Variants in SUSD5 observed in about 807,000 individuals in gnomAD.
SUSD5 encodes the protein sushi domain-containing protein 5.
In SUSD5, 33 loss-of-function variants were observed where a neutral mutation model predicts 29.5. The observed-to-expected ratio is 1.12, with a 90% CI of 0.85 to 1.49. The LOEUF is 1.49. SUSD5 is among the 40% of genes most tolerant of loss of function. SUSD5 has a pLI of 0.00. For missense variants in SUSD5, 776 were observed against 800.6 expected (o/e 0.97, Z 0.37); for synonymous variants, 308 against 325.3 (o/e 0.95, Z 0.57).
In SUSD5 at chr3:33,167,186, AT is replaced by A. The variant is rs970521238; in HGVS notation, c.598+7699del. 3.9e-4 allele frequency among the ~76,000 whole-genome samples: 58 copies of A among 148,478 alleles called. No homozygotes were observed. In the South Asian group the frequency reaches 7.2e-3, roughly 18 times the overall value. ...AAGAGCGAGACTCCATCTCAAAAAA[AT>A]ATATATATATATAAATATATATATA... On this transcript the variant is annotated intron_variant, in intron 4 of 4. Transcript: ENST00000309558. The surrounding 1 kb of genome is among the most constrained non-coding windows in gnomAD (Gnocchi z 4.1).
chr3:33,169,536 A>G (rs1457694309), intron 4 of SUSD5, among the ~76,000 whole-genome samples: 1 of 152,142 alleles, frequency 6.6e-6, no homozygotes, highest in Non-Finnish European at 1.5e-5. Flanking sequence ...TATACTTTAA[A>G]TGAGTACAGT....
chr3:33,218,467 G>A (rs1419915440), intron 1 of SUSD5, among the ~76,000 whole-genome samples: 1 of 152,234 alleles, frequency 6.6e-6, no homozygotes, highest in Non-Finnish European at 1.5e-5. Flanking sequence ...CGCTAAGGGA[G>A]GGTCCAGGCA....
chr3:33,210,850 CA>C (rs2032309863), intron 2 of SUSD5, among the ~76,000 whole-genome samples: 1 of 150,154 alleles, frequency 6.7e-6, no homozygotes, highest in Non-Finnish European at 1.5e-5. Context: ...GTAAATATAA[CA>C]AGTATATTTT....
At chr3:33,213,454 T>C (rs1370584197) in intron 2 of SUSD5, among the ~76,000 whole-genome samples, 2 of 152,026 alleles carry the variant, frequency 1.3e-5, no homozygotes, top group African/African-American at 4.8e-5. Context: ...ATAAAAGAAC[T>C]ATGACAGAAC....
At chr3:33,200,988 GC>G (rs1390526115) in intron 3 of SUSD5, among the ~76,000 whole-genome samples, 2 of 152,040 alleles carry the variant, frequency 1.3e-5, no homozygotes, top group African/African-American at 4.8e-5. Flanking sequence ...GAATTGTTAA[GC>G]AAAAAGGAAC....
At chr3:33,217,724 C>T (rs1252126007) in intron 1 of SUSD5, among the ~76,000 whole-genome samples, 1 of 151,606 alleles carries the variant, frequency 6.6e-6, no homozygotes, top group African/African-American at 2.4e-5. Flanking sequence ...TCTAGTTTCA[C>T]TCAATATCGT....
At chr3:33,191,330 C>G (rs1394648684) in intron 3 of SUSD5, among the ~76,000 whole-genome samples, 1 of 152,038 alleles carries the variant, frequency 6.6e-6, no homozygotes, top group Non-Finnish European at 1.5e-5. Context: ...CAAGGTTTCA[C>G]CGTGTTAGCC....
intron 4 of SUSD5, among the ~76,000 whole-genome samples, chr3:33,158,772 G>A (rs2125614492): frequency 6.6e-6 from 1 of 152,272 alleles, no homozygotes; most frequent in Non-Finnish European, 1.5e-5. Context: ...TTCATGAGGG[G>A]TAAGGTAGGA....
intron 1 of SUSD5, among the ~76,000 whole-genome samples, 158 bp from the exon 2 acceptor site, chr3:33,214,263 A>G (rs2032382522): frequency 6.6e-6 from 1 of 152,142 alleles, no homozygotes; most frequent in Admixed American, 6.5e-5. Flanking sequence ...CCAGGTGATG[A>G]TAATTACACT....
At chr3:33,205,632 A>G (rs1354672808) in intron 3 of SUSD5, among the ~76,000 whole-genome samples, 2 of 152,218 alleles carry the variant, frequency 1.3e-5, no homozygotes, top group Non-Finnish European at 2.9e-5. Flanking sequence ...AGAGGCACAC[A>G]CTTGCATACA....
At chr3:33,201,308 A>G (rs1041130531) in intron 3 of SUSD5, among the ~76,000 whole-genome samples, 10 of 152,152 alleles carry the variant, frequency 6.6e-5, no homozygotes, top group Non-Finnish European at 1.5e-4. Context: ...TCCTCCTCAC[A>G]TTTACCACAT....
chr3:33,163,401 C>A, intron 4 of SUSD5, among the ~76,000 whole-genome samples: 1 of 151,434 alleles, frequency 6.6e-6, no homozygotes, highest in East Asian at 1.9e-4. Flanking sequence ...TACATTATAC[C>A]TAGTTAGATT....
At chr3:33,181,065 G>C (rs1404357270) in intron 3 of SUSD5, among the ~76,000 whole-genome samples, 1 of 151,392 alleles carries the variant, frequency 6.6e-6, no homozygotes, top group East Asian at 1.9e-4. Flanking sequence ...TTGTACAGTT[G>C]TACAATGTGT....
intron 4 of SUSD5, among the ~76,000 whole-genome samples, chr3:33,171,221 C>T (rs1265414558): frequency 2.0e-5 from 3 of 152,088 alleles, no homozygotes; most frequent in Admixed American, 6.5e-5. Flanking sequence ...GTGGCGCATG[C>T]CTGTAATCCC....
At chr3:33,199,539 C>G (rs1248778844) in intron 3 of SUSD5, among the ~76,000 whole-genome samples, 2 of 152,248 alleles carry the variant, frequency 1.3e-5, no homozygotes, top group Middle Eastern at 3.2e-3. Context: ...TCCCAAAGTG[C>G]TGGGATTACA....
intron 2 of SUSD5, among the ~76,000 whole-genome samples, chr3:33,212,599 C>T (rs887491191): frequency 1.3e-5 from 2 of 152,174 alleles, no homozygotes; most frequent in East Asian, 3.9e-4. Context: ...CACCTAGAGG[C>T]ATCTTCATTC....
chr3:33,191,801 C>T (rs2031896063), intron 3 of SUSD5, among the ~76,000 whole-genome samples: 1 of 151,942 alleles, frequency 6.6e-6, no homozygotes, highest in African/African-American at 2.4e-5. Flanking sequence ...AAGAAATAGC[C>T]AGGCATGGTG....
At chr3:33,195,822 G>A (rs2031985108) in intron 3 of SUSD5, among the ~76,000 whole-genome samples, 1 of 150,866 alleles carries the variant, frequency 6.6e-6, no homozygotes. Flanking sequence ...AACATGTAGA[G>A]AACACAAAAG....
chr3:33,175,141 A>C, intron 3 of SUSD5, 67 bp from the exon 4 acceptor site: 1 of 1,554,558 alleles, frequency 6.4e-7, no homozygotes, highest in South Asian at 1.2e-5. Flanking sequence ...ATGAGAAAAC[A>C]GACTTAAAAC....
Sources: gnomAD v4.1 joint callset for allele counts (sites outside exome capture counted in the v4.1 genomes callset) on GRCh38, gnomAD v4.1.1 for gene constraint, Gnocchi (gnomAD v3.1) non-coding constraint, MANE v1.5 for transcripts, NCBI Gene and HGNC (gene_info 2026-07-23, HGNC 2026-07-21) for gene names.